NRG4: variants seen among roughly 807,000 people sequenced by gnomAD.
The protein encoded by NRG4 is pro-neuregulin-4, membrane-bound isoform.
NRG4 carries 10 observed loss-of-function variants against 15.0 expected under a neutral mutation model. The observed-to-expected ratio is 0.67, with a 90% CI of 0.41 to 1.13. The LOEUF (loss-of-function observed/expected upper bound fraction) is 1.13. NRG4 is among the 50% of genes most tolerant of loss of function. The probability of loss-of-function intolerance (pLI) is 0.00; values close to 1 mark genes in which losing one functional copy is unlikely to be tolerated. For missense variants in NRG4, 139 were observed against 140.2 expected (o/e 0.99, Z 0.04); for synonymous variants, 41 against 50.1 (o/e 0.82, Z 0.77).
chr15:76,026,036 A>G (rs1305243306), intron 5 of NRG4, among the ~76,000 whole-genome samples: 2 of 152,232 alleles, frequency 1.3e-5, no homozygotes, highest in Non-Finnish European at 2.9e-5. Flanking sequence ...AGACATCATT[A>G]AGTGAAAAAA....
chr15:76,045,738 T>A (rs1221610641), intron 4 of NRG4, among the ~76,000 whole-genome samples: 1 of 150,102 alleles, frequency 6.7e-6, no homozygotes, highest in Admixed American at 6.6e-5. Flanking sequence ...ATAATTTAAC[T>A]AATGGAGGTA....
intron 2 of NRG4, chr15:76,053,281 T>C (rs1203690124): frequency 1.3e-5 from 2 of 150,984 alleles, no homozygotes; most frequent in Non-Finnish European, 2.9e-5. Context: ...AGTCTCTGAA[T>C]CACACTGCCC....
intron 3 of NRG4, among the ~76,000 whole-genome samples, chr15:75,994,298 T>C (rs937023906): frequency 6.6e-6 from 1 of 152,170 alleles, no homozygotes; most frequent in African/African-American, 2.4e-5. Flanking sequence ...TTTGGGCATA[T>C]AAAGCACATA....
intron 4 of NRG4, among the ~76,000 whole-genome samples, chr15:76,044,122 C>A (rs1210908759): frequency 6.6e-6 from 1 of 152,032 alleles, no homozygotes; most frequent in African/African-American, 2.4e-5. Flanking sequence ...CTCAGCCTCC[C>A]GAGTAGCTGG....
At position 76,009,228 on chromosome 15, in the gene NRG4, T is replaced by A; in HGVS notation, c.76A>T (p.Ile26Leu). Residue 26 changes from isoleucine (I) to leucine (L), a missense_variant, in exon 3 of 6, where the codon ATA (isoleucine) becomes TTA (leucine). Physicochemically the swap from Ile to Leu is conservative, Grantham distance 5 (BLOSUM62 2). Coordinates refer to ENST00000394907, the MANE Select transcript of NRG4 (RefSeq NM_138573.4). ...FCLNGGLCYV[I>L]PTIPSPFCRC... ...CAAAATGGGCTGGGAATAGTAGGTA[T>A]CACATAACAAAGCCCCCCATTCAGG... The A allele has an allele frequency of 6.3e-7, 1 of 1,597,902 alleles. No individual in the cohort carries two copies.
intron 3 of NRG4, chr15:75,971,153 C>T (rs1183302037): frequency 4.9e-6 from 2 of 405,818 alleles, no homozygotes; most frequent in South Asian, 1.9e-5. Context: ...TTCATTTCAA[C>T]ATGTTTGATT....
intron 5 of NRG4, among the ~76,000 whole-genome samples, chr15:76,021,703 T>C (rs1485786603): frequency 6.6e-6 from 1 of 152,234 alleles, no homozygotes; most frequent in Non-Finnish European, 1.5e-5. Context: ...TGTGACTTCA[T>C]GACATTTGAG....
rs941871603 is a variant in NRG4 at position 76,036,640 on chromosome 15, T to A, written c.-104-649A>T. On this transcript the variant is annotated intron_variant, in intron 4 of 8. Transcript: ENST00000563910. ...GAGTTAGAAGGGGACATAATGATAA[T>A]GCCTCATTCAAAGGGATATCTGAGT... Among the ~76,000 whole-genome samples the A allele has an allele frequency of 2.0e-5, 3 of 152,326 alleles. No homozygotes were observed. The East Asian group carries it at 5.8e-4, about 29-fold the overall frequency.
At chr15:76,035,241 G>A (rs1181932125) in intron 5 of NRG4, among the ~76,000 whole-genome samples, 6 of 152,078 alleles carry the variant, frequency 3.9e-5, no homozygotes, top group South Asian at 2.1e-4. Flanking sequence ...TATAGCTCCT[G>A]GCTTCATGAT....
At chr15:76,018,705 T>C (rs1173375436) in intron 5 of NRG4, among the ~76,000 whole-genome samples, 5 of 152,204 alleles carry the variant, frequency 3.3e-5, no homozygotes, top group African/African-American at 1.2e-4. Flanking sequence ...CTGGAAGCTT[T>C]GTCCCAGAGG....
chr15:75,970,409 G>A (rs1208525270), intron 3 of NRG4, among the ~76,000 whole-genome samples: 3 of 152,174 alleles, frequency 2.0e-5, no homozygotes, highest in African/African-American at 7.2e-5. Context: ...TTCAGTCTTT[G>A]TTTTATCACC....
chr15:76,044,575 C>G (rs1021883907), intron 4 of NRG4, among the ~76,000 whole-genome samples: 2 of 150,018 alleles, frequency 1.3e-5, no homozygotes, highest in Non-Finnish European at 3.0e-5. Context: ...GTGGCTCACA[C>G]CTGTAATCCC....
chr15:76,048,313 A>C (rs2035920908), intron 4 of NRG4, among the ~76,000 whole-genome samples: 1 of 150,206 alleles, frequency 6.7e-6, no homozygotes, highest in Non-Finnish European at 1.5e-5. Flanking sequence ...CTCTACTAAA[A>C]ACATCAAAAT....
chr15:75,958,169 T>C (rs1279624711), intron 4 of NRG4, among the ~76,000 whole-genome samples: 2 of 152,126 alleles, frequency 1.3e-5, no homozygotes, highest in African/African-American at 4.8e-5. Flanking sequence ...CCCGCCACCA[T>C]GCCCGGCTAA....
intron 3 of NRG4, among the ~76,000 whole-genome samples, chr15:75,996,485 T>C (rs894517159): frequency 6.6e-6 from 1 of 152,144 alleles, no homozygotes; most frequent in Non-Finnish European, 1.5e-5. Flanking sequence ...TGTTTAGCTA[T>C]AGAAGACAGT....
At chr15:75,943,684 T>C (rs762073047) in intron 5 of NRG4, 30 bp from the exon 6 acceptor site, 2 of 1,488,230 alleles carry the variant, frequency 1.3e-6, no homozygotes, top group Admixed American at 1.7e-5. Flanking sequence ...ATTAAGATGC[T>C]TTCTCCATTG....
intron 4 of NRG4, among the ~76,000 whole-genome samples, chr15:75,956,648 C>G (rs1262906461): frequency 6.6e-6 from 1 of 152,104 alleles, no homozygotes; most frequent in East Asian, 1.9e-4. Context: ...TTTCTAAAAG[C>G]ATACTTGCTC....
intron 3 of NRG4, among the ~76,000 whole-genome samples, chr15:75,968,710 G>T (rs2032948367): frequency 6.6e-6 from 1 of 151,844 alleles, no homozygotes; most frequent in Admixed American, 6.6e-5. Context: ...AGACCAGCCT[G>T]GGCAACATAG....
intron 3 of NRG4, among the ~76,000 whole-genome samples, chr15:75,994,689 A>AGATACAG (rs2034144435): frequency 6.6e-6 from 1 of 152,258 alleles, no homozygotes; most frequent in Non-Finnish European, 1.5e-5. Flanking sequence ...ACAGAATTTA[A>AGATACAG]AAATCTATGT....
Sources: allele counts gnomAD v4.1 joint callset (sites outside exome capture counted in the v4.1 genomes callset), GRCh38; gene constraint gnomAD v4.1.1; transcripts MANE v1.5; gene names NCBI Gene and HGNC (gene_info 2026-07-23, HGNC 2026-07-21).